ADCY10: variants seen among roughly 807,000 people sequenced by gnomAD.
The protein encoded by ADCY10 is adenylate cyclase 10.
ADCY10 carries 156 observed loss-of-function variants against 183.3 expected under a neutral mutation model. That is an observed-to-expected ratio of 0.85 (90% confidence interval 0.75 to 0.97). ADCY10 has a LOEUF of 0.97. ADCY10 is among the 50% of genes least tolerant of loss of function. The pLI is 0.00. For synonymous variants in ADCY10, 645 were observed against 670.0 expected (o/e 0.96, Z 0.58); for missense variants, 1,745 against 1,934.3 (o/e 0.90, Z 1.84).
intron 23 of ADCY10, among the ~76,000 whole-genome samples, chr1:167,835,507 C>T (rs186468084): frequency 1.5e-4 from 23 of 152,328 alleles, no homozygotes; most frequent in Non-Finnish European, 1.8e-4. Flanking sequence ...TTCACTAGTG[C>T]TTTGGTGGTC....
intron 14 of ADCY10, among the ~76,000 whole-genome samples, chr1:167,865,937 A>G (rs1479928662): frequency 6.6e-6 from 1 of 152,184 alleles, no homozygotes; most frequent in African/African-American, 2.4e-5. Context: ...TCTCTCTGCT[A>G]TCCCTGTGGG....
In ADCY10 at chr1:167,853,830, C is replaced by CTTTTTTTTTTTTTTTTTTTTTT. The variant is rs538462140; in HGVS notation, c.2308+501_2308+522dup. On this transcript the variant is annotated intron_variant, in intron 18 of 32. Coordinates refer to ENST00000367851, the MANE Select transcript of ADCY10 (RefSeq NM_018417.6). ...TGTTCTTTCATTTCTACTATAGTTA[C>CTTTTTTTTTTTTTTTTTTTTTT]TTTTTTTTTTTTTTTTTTTTTTTTT... Among the ~76,000 whole-genome samples, 52 of 77,186 alleles carry CTTTTTTTTTTTTTTTTTTTTTT rather than the reference C, an allele frequency of 6.7e-4. 7 individuals are homozygous for CTTTTTTTTTTTTTTTTTTTTTT. The highest frequency in any genetic ancestry group is 1.5e-3 in the South Asian group (3 of 1,958). The allele number at this position is 77,186 out of a possible 152,430, so 50.6% of individuals were successfully genotyped here.
chr1:167,863,018 G>A (rs1188806627), intron 14 of ADCY10, among the ~76,000 whole-genome samples: 1 of 152,104 alleles, frequency 6.6e-6, no homozygotes, highest in Non-Finnish European at 1.5e-5. Context: ...TGTCTTCCAG[G>A]GAAAAATCCA....
intron 8 of ADCY10, among the ~76,000 whole-genome samples, chr1:167,891,360 T>A (rs2102338385): frequency 6.6e-6 from 1 of 151,352 alleles, no homozygotes; most frequent in African/African-American, 2.4e-5. Context: ...ACAGGGAAAA[T>A]AAAGGAGAGT....
intron 13 of ADCY10, among the ~76,000 whole-genome samples, chr1:167,873,144 A>G (rs1010307661): frequency 6.6e-6 from 1 of 152,146 alleles, no homozygotes; most frequent in African/African-American, 2.4e-5. Flanking sequence ...ATCTTGTAGA[A>G]AGAAGGTTAG....
chr1:167,834,513 C>T, intron 23 of ADCY10: 1 of 255,942 alleles, frequency 3.9e-6, no homozygotes, highest in Non-Finnish European at 7.7e-6. Flanking sequence ...TGAATCACCC[C>T]CACTTCCTTT....
intron 31 of ADCY10, among the ~76,000 whole-genome samples, chr1:167,815,180 A>G (rs970126023): frequency 2.6e-5 from 4 of 152,120 alleles, no homozygotes; most frequent in Non-Finnish European, 4.4e-5. Context: ...CCTTCAGGTG[A>G]GCCCCCACAG....
At chr1:167,903,783 G>A (rs755502685) in intron 3 of ADCY10, 104 bp downstream of exon 3, 84 of 804,728 alleles carry the variant, frequency 1.0e-4, no homozygotes, top group Non-Finnish European at 1.8e-4. Context: ...ATGGGGAAGA[G>A]GAGGAGTGCT....
At chr1:167,896,733 C>T (rs1669003665) in intron 6 of ADCY10, 42 bp from the exon 7 acceptor site, 1 of 1,345,698 alleles carries the variant, frequency 7.4e-7, no homozygotes, top group African/African-American at 1.4e-5. Flanking sequence ...ATTCTGAGAA[C>T]TGTTTAATCC....
At position 167,883,549 on chromosome 1, in the gene ADCY10, T is replaced by C. The variant is rs778545459; in HGVS notation, c.908A>G (p.Asp303Gly). The change falls in exon 9 of 33, where the codon GAC (aspartate) becomes GGC (glycine). Residue 303 changes from aspartate to glycine, a missense_variant. Coordinates refer to ENST00000367851, the MANE Select transcript of ADCY10 (RefSeq NM_018417.6). ...GCCTATCTCTTCTGCTTTGTCTTGG[T>C]CTTCAAACATCAGGTTCACAAACAC... ...TIVFVNLMFE[D>G]QDKAEEIGPA... 1 of 1,614,222 alleles carries C rather than the reference T, an allele frequency of 6.2e-7. No individual in the cohort carries two copies. The highest frequency in any genetic ancestry group is 8.5e-7 in the Non-Finnish European group (1 of 1,180,040).
intron 18 of ADCY10, among the ~76,000 whole-genome samples, chr1:167,850,695 G>GTGTGTGTGTGTGTGTA (rs1665411351): frequency 7.0e-6 from 1 of 142,108 alleles, no homozygotes; most frequent in Non-Finnish European, 1.5e-5. Context: ...GTGTGTGTGT[G>GTGTGTGTGTGTGTGTA]TGTGTGTGTG....
chr1:167,810,721 A>G lies in ADCY10; in HGVS notation c.4671+4T>C, dbSNP rs758425533. 1 of 1,614,140 alleles carries G rather than the reference A, an allele frequency of 6.2e-7. No homozygotes were observed. The highest frequency in any genetic ancestry group is 1.1e-5 in the South Asian group (1 of 91,086). On this transcript the variant is annotated splice_donor_region_variant and intron_variant, in intron 32 of 32. Transcript: ENST00000367851. ...ACCCCGGTTTGCTAGCTGATGATAC[A>G]TACTTTGTTCATGTTCAGCCAGCAT...
chr1:167,816,541 A>ATGTT (rs1662541743), intron 31 of ADCY10, among the ~76,000 whole-genome samples: 1 of 152,018 alleles, frequency 6.6e-6, no homozygotes, highest in Admixed American at 6.6e-5. Context: ...GTGAGACTCC[A>ATGTT]TTTCAAAAAA....
intron 18 of ADCY10, among the ~76,000 whole-genome samples, chr1:167,852,304 G>T (rs534117717): frequency 2.0e-5 from 3 of 152,114 alleles, no homozygotes; most frequent in Non-Finnish European, 2.9e-5. Flanking sequence ...TTAGCTGGGC[G>T]GTAGTGGTGC....
chr1:167,909,409 G>A (rs1670013497), intron 1 of ADCY10, among the ~76,000 whole-genome samples: 1 of 152,152 alleles, frequency 6.6e-6, no homozygotes, highest in African/African-American at 2.4e-5. Flanking sequence ...GAGTGGAATT[G>A]CTGGGTCATA....
At chr1:167,875,688 C>T (rs1466177373) in intron 12 of ADCY10, among the ~76,000 whole-genome samples, 5 of 152,224 alleles carry the variant, frequency 3.3e-5, no homozygotes, top group African/African-American at 9.6e-5. Context: ...CAGTGACTCA[C>T]GCCTGTAATC....
At chr1:167,856,116 G>A (rs1665869171) in intron 17 of ADCY10, 49 bp downstream of exon 17, 3 of 1,597,458 alleles carry the variant, frequency 1.9e-6, no homozygotes, top group East Asian at 2.2e-5. Context: ...TCTAGACCGA[G>A]GGAATGTATG....
At chr1:167,845,938 T>C in intron 20 of ADCY10, 47 bp downstream of exon 20, 1 of 1,614,130 alleles carries the variant, frequency 6.2e-7, no homozygotes, top group Non-Finnish European at 8.5e-7. Flanking sequence ...TTCTTTGATC[T>C]AGATGGGTCC....
rs778732017 is a variant in ADCY10, at chr1:167,905,204, A to G, written c.-58-6T>C. The G allele has an allele frequency of 4.2e-5, 65 of 1,556,402 alleles. No individual in the cohort carries two copies. Among genetic ancestry groups the G allele is most frequent in the Non-Finnish European group, 5.7e-5 (64 of 1,128,322 alleles). The stretch of plus-strand genomic sequence containing the variant: ...GCAGTCTCCAAATAGGTCTTCTAAA[A>G]AGAAAATTGAAATAGAGGAAATCTG... On this transcript the variant is annotated splice_polypyrimidine_tract_variant and splice_region_variant and intron_variant, in intron 1 of 32. Coordinates refer to ENST00000367851, the MANE Select transcript of ADCY10 (RefSeq NM_018417.6).
Sources: gnomAD v4.1 joint callset for allele counts (sites outside exome capture counted in the v4.1 genomes callset) on GRCh38, gnomAD v4.1.1 for gene constraint, MANE v1.5 for transcripts, NCBI Gene and HGNC (gene_info 2026-07-23, HGNC 2026-07-21) for gene names.